CPA6: variants seen among roughly 807,000 people sequenced by gnomAD.
CPA6 encodes the protein carboxypeptidase B.
CPA6 carries 58 observed loss-of-function variants against 63.3 expected under a neutral mutation model. That is an observed-to-expected ratio of 0.92 (90% CI 0.74 to 1.14). The LOEUF is 1.14. Among genes scored for constraint, CPA6 ranks in the 50% most tolerant of loss-of-function variants. The pLI is 0.00. For synonymous variants in CPA6, 185 were observed against 179.0 expected (o/e 1.03, Z -0.27); for missense variants, 565 against 526.6 (o/e 1.07, Z -0.71).
intron 1 of CPA6, among the ~76,000 whole-genome samples, chr8:67,666,937 A>G (rs903668426): frequency 1.3e-5 from 2 of 152,156 alleles, no homozygotes; most frequent in African/African-American, 4.8e-5. Context: ...AGCCTGGGGA[A>G]AAACCTGCTA....
chr8:67,678,225 TCTCACACACACACACACA>T (rs1455747584), intron 1 of CPA6, among the ~76,000 whole-genome samples: 5 of 142,954 alleles, frequency 3.5e-5, no homozygotes, highest in African/African-American at 1.1e-4. Context: ...TAAAACTCTG[TCTCACACACACACACACA>T]CACACACACA....
chr8:67,684,001 G>GTATATATATATA lies in CPA6; in HGVS notation c.117-59762_117-59751dup, dbSNP rs3056573. ...TGTTATGTCTGGCTGATTTTAAAAT[G>GTATATATATATA]TATATATATATATATATATATATAT... On this transcript the variant is annotated intron_variant, in intron 1 of 10. Coordinates refer to ENST00000297770, the MANE Select transcript of CPA6 (RefSeq NM_020361.5). 2.9e-3 allele frequency among the ~76,000 whole-genome samples: 341 copies of GTATATATATATA among 116,954 alleles called. 1 individual carries two copies. Among genetic ancestry groups the GTATATATATATA allele is most frequent in the Non-Finnish European group, 3.5e-3 (204 of 57,544 alleles). 76.7% of individuals were successfully genotyped at this position (116,954 alleles called of 152,430 possible). A position where few individuals can be genotyped will look rare whatever the true frequency, so the allele number is the denominator to read the frequency against.
At position 67,639,433 on chromosome 8, in the gene CPA6, C is replaced by T. The variant is rs566969239; in HGVS notation, c.117-15182G>A. Among the ~76,000 whole-genome samples the T allele has an allele frequency of 5.7e-4, 87 of 151,770 alleles. 3 individuals carry two copies. The highest frequency in any genetic ancestry group is 2.0e-3 in the African/African-American group (82 of 41,044). On this transcript the variant is annotated intron_variant, in intron 1 of 10. Transcript: ENST00000297770. ...GAATGAATGTGGGGTCCAGCTACTGCACACAGCTAGGCACACAGACTGTGC... is the reference window on the plus strand; with the variant it reads ...GAATGAATGTGGGGTCCAGCTACTGTACACAGCTAGGCACACAGACTGTGC...
intron 2 of CPA6, among the ~76,000 whole-genome samples, chr8:67,546,039 C>T (rs1174973049): frequency 6.6e-6 from 1 of 152,186 alleles, no homozygotes; most frequent in Admixed American, 6.5e-5. Flanking sequence ...CATCCCCTGG[C>T]AGGATGGGTT....
At chr8:67,743,756 G>A (rs1330715631) in intron 1 of CPA6, among the ~76,000 whole-genome samples, 1 of 152,074 alleles carries the variant, frequency 6.6e-6, no homozygotes, top group South Asian at 2.1e-4. Flanking sequence ...ACTCTCAGGA[G>A]GCATGCTGGT....
chr8:67,705,556 G>A (rs1158562665), intron 1 of CPA6, among the ~76,000 whole-genome samples: 1 of 152,152 alleles, frequency 6.6e-6, no homozygotes, highest in East Asian at 1.9e-4. Context: ...CCTGGGTAAT[G>A]AATGTCTAAA....
chr8:67,631,422 G>A (rs1030475580), intron 1 of CPA6, among the ~76,000 whole-genome samples: 4 of 152,136 alleles, frequency 2.6e-5, no homozygotes, highest in African/African-American at 9.7e-5. Context: ...TCTAGCTCAA[G>A]GTTTGTAAAC....
Position 67,728,351 on chromosome 8 carries a change from A to G in CPA6, c.116+17663T>C, listed in dbSNP as rs570236065. Reference sequence around the variant, plus strand: ...TGTTTATGCACATTAATACACTTGTATACCTTTTTTTTCAGCATTTGCCAA... The same window carrying G: ...TGTTTATGCACATTAATACACTTGTGTACCTTTTTTTTCAGCATTTGCCAA... On this transcript the variant is annotated intron_variant, in intron 1 of 10. Transcript: ENST00000297770. 7.9e-5 allele frequency among the ~76,000 whole-genome samples: 12 copies of G among 152,226 alleles called. No individual in the cohort carries two copies. The South Asian group carries it at 2.5e-3, about 32-fold the overall frequency.
intron 1 of CPA6, among the ~76,000 whole-genome samples, chr8:67,692,766 ATCATAGG>A (rs1255983255): frequency 1.3e-5 from 2 of 152,242 alleles, no homozygotes; most frequent in Non-Finnish European, 2.9e-5. Flanking sequence ...TCACCATTAA[ATCATAGG>A]TCTCTGTGAA....
At chr8:67,641,838 T>A (rs75131086) in intron 1 of CPA6, among the ~76,000 whole-genome samples, 1,946 of 152,198 alleles carry the variant, frequency 0.013, 18 homozygotes, top group South Asian at 0.041. Flanking sequence ...AAGTAACAGT[T>A]ATAAAACTAG....
chr8:67,569,488 T>A, intron 2 of CPA6: 1 of 387,336 alleles, frequency 2.6e-6, no homozygotes, highest in South Asian at 2.4e-5. Context: ...TAAGACAGGG[T>A]CTGTAACAGA....
At chr8:67,676,695 G>A (rs1380232580) in intron 1 of CPA6, among the ~76,000 whole-genome samples, 3 of 152,146 alleles carry the variant, frequency 2.0e-5, no homozygotes, top group African/African-American at 7.2e-5. Context: ...TCCTTCAGAG[G>A]ACTGAACTTT....
At chr8:67,666,649 G>A (rs920159820) in intron 1 of CPA6, among the ~76,000 whole-genome samples, 11 of 152,270 alleles carry the variant, frequency 7.2e-5, no homozygotes, top group South Asian at 4.2e-4. Context: ...GGTGCCTGGC[G>A]ATCAGGGTCT....
intron 6 of CPA6, among the ~76,000 whole-genome samples, chr8:67,499,057 G>A (rs76598120): frequency 0.03 from 4,631 of 152,284 alleles, 235 homozygotes; most frequent in African/African-American, 0.1. Context: ...ATAAAATAAT[G>A]AAGCCCAATT....
chr8:67,563,203 A>G (rs1164280511), intron 2 of CPA6, among the ~76,000 whole-genome samples: 2 of 152,196 alleles, frequency 1.3e-5, no homozygotes, highest in African/African-American at 2.4e-5. Context: ...ATAAAAATGT[A>G]TGTTTTGGTG....
chr8:67,502,717 C>T (rs890090695), intron 6 of CPA6, among the ~76,000 whole-genome samples: 5 of 152,146 alleles, frequency 3.3e-5, no homozygotes, highest in Non-Finnish European at 7.3e-5. Context: ...CAAAACTTCC[C>T]TTGAGATTTT....
intron 8 of CPA6, among the ~76,000 whole-genome samples, chr8:67,460,318 T>C (rs1284065898): frequency 6.6e-6 from 1 of 152,192 alleles, no homozygotes; most frequent in Non-Finnish European, 1.5e-5. Flanking sequence ...CCATTTGTGT[T>C]TTACATTTTA....
chr8:67,677,342 CTTTT>C (rs35049117), intron 1 of CPA6, among the ~76,000 whole-genome samples: 20 of 128,340 alleles, frequency 1.6e-4, no homozygotes, highest in African/African-American at 4.4e-4. Context: ...AAAACACCTT[CTTTT>C]TTTTTTTTTT....
chr8:67,495,054 T>G (rs1402647318), intron 6 of CPA6, among the ~76,000 whole-genome samples: 1 of 152,202 alleles, frequency 6.6e-6, no homozygotes, highest in Admixed American at 6.5e-5. Flanking sequence ...CCACGGTGTC[T>G]TAACAGGGCC....
Sources: gnomAD v4.1 joint callset for allele counts (sites outside exome capture counted in the v4.1 genomes callset) on GRCh38, gnomAD v4.1.1 for gene constraint, MANE v1.5 for transcripts, NCBI Gene and HGNC (gene_info 2026-07-23, HGNC 2026-07-21) for gene names.